Variants in VPS13B observed in about 807,000 individuals in gnomAD.
VPS13B encodes the protein intermembrane lipid transfer protein VPS13B.
Under a neutral mutation model 426.4 loss-of-function variants are expected in VPS13B, and 285 were observed. The ratio of observed to expected loss-of-function variants is 0.67; its 90% CI spans 0.61 to 0.74. The LOEUF (loss-of-function observed/expected upper bound fraction) is 0.74, where lower values mean the gene tolerates loss of function less well. Among genes scored for constraint, VPS13B ranks in the 30% least tolerant of loss-of-function variants. The pLI, the probability that VPS13B is intolerant of heterozygous loss-of-function variation, is 0.00. For missense variants in VPS13B, 4,537 were observed against 4,782.6 expected (o/e 0.95, Z 1.51); for synonymous variants, 1,676 against 1,676.4 (o/e 1.00, Z 0.01).
At chr8:99,157,842 A>T (rs923676810) in intron 15 of VPS13B, among the ~76,000 whole-genome samples, 1 of 152,234 alleles carries the variant, frequency 6.6e-6, no homozygotes, top group Non-Finnish European at 1.5e-5. Flanking sequence ...AGGAATGACA[A>T]GAAAGTGAAA....
At chr8:99,200,713 C>T (rs1814264368) in intron 17 of VPS13B, among the ~76,000 whole-genome samples, 1 of 152,004 alleles carries the variant, frequency 6.6e-6, no homozygotes, top group Non-Finnish European at 1.5e-5. Context: ...AGAAATTATT[C>T]AAATCCTTTG....
intron 8 of VPS13B, among the ~76,000 whole-genome samples, chr8:99,128,614 GTTTA>G (rs910731844): frequency 4.0e-5 from 6 of 151,584 alleles, no homozygotes; most frequent in African/African-American, 1.5e-4. Context: ...TTTTTTGTGG[GTTTA>G]TTATTTCATG....
chr8:99,421,102 C>T (rs1450808666), intron 21 of VPS13B, among the ~76,000 whole-genome samples: 2 of 152,016 alleles, frequency 1.3e-5, no homozygotes, highest in South Asian at 2.1e-4. Context: ...ATTCATTTTC[C>T]TTAATCATGT....
chr8:99,274,104 GT>G lies in VPS13B; in HGVS notation c.2516-92del, dbSNP rs1486310539. The G allele has an allele frequency of 2.0e-6, 3 of 1,514,074 alleles. No homozygotes were observed. The East Asian group carries it at 6.8e-5, about 34-fold the overall frequency. The allele number at this position is 1,514,074 out of a possible 1,614,324, so 93.8% of individuals were successfully genotyped here. A position where few individuals can be genotyped will look rare whatever the true frequency, so the allele number is the denominator to read the frequency against. On this transcript the variant is annotated intron_variant, in intron 17 of 61. Coordinates refer to ENST00000357162, the MANE Select transcript of VPS13B (RefSeq NM_152564.5). ...ACTGTAAGAACATCTGAGGTAGACA[GT>G]TAGAGTATAATTAAGTTTAAATGCC...
chr8:99,460,236 T>C (rs1818752633), intron 23 of VPS13B, among the ~76,000 whole-genome samples: 1 of 152,174 alleles, frequency 6.6e-6, no homozygotes, highest in Non-Finnish European at 1.5e-5. Flanking sequence ...TAATTTTCTC[T>C]ATTCATTTTT....
intron 2 of VPS13B, among the ~76,000 whole-genome samples, chr8:99,032,589 G>C (rs1344311860): frequency 6.7e-6 from 1 of 149,250 alleles, no homozygotes; most frequent in African/African-American, 2.5e-5. Flanking sequence ...GAGTGCAGTG[G>C]CGCGATCTCA....
At chr8:99,427,859 A>G (rs1816816405) in intron 21 of VPS13B, among the ~76,000 whole-genome samples, 2 of 152,298 alleles carry the variant, frequency 1.3e-5, no homozygotes, top group Admixed American at 1.3e-4. Flanking sequence ...ACAAAGCTGG[A>G]GGTATCAGGC....
chr8:99,267,856 G>A (rs1360216965), intron 17 of VPS13B, among the ~76,000 whole-genome samples: 1 of 152,192 alleles, frequency 6.6e-6, no homozygotes, highest in African/African-American at 2.4e-5. Context: ...TGTCTCCAGG[G>A]CATGTCAGAG....
rs192164359 is a variant in VPS13B at position 99,072,715 on chromosome 8, A to C, written c.292-23597A>C. ...TCTCCTGTTTTCTTTTAGTTTTAAT[A>C]GTTTTATAGTTTCAGGTCTTAAGGT... On this transcript the variant is annotated intron_variant, in intron 3 of 61. Coordinates refer to ENST00000357162, the MANE Select transcript of VPS13B (RefSeq NM_152564.5). Among the ~76,000 whole-genome samples the C allele has an allele frequency of 1.9e-4, 29 of 152,112 alleles. No individual in the cohort carries two copies. The East Asian group carries it at 4.7e-3, about 24-fold the overall frequency.
intron 24 of VPS13B, among the ~76,000 whole-genome samples, chr8:99,475,744 C>T (rs978080283): frequency 5.3e-5 from 8 of 152,108 alleles, no homozygotes; most frequent in African/African-American, 1.7e-4. Context: ...CTGTTCCTTC[C>T]CTGTTGTCCT....
At chr8:99,683,077 T>C (rs1334000581) in intron 35 of VPS13B, among the ~76,000 whole-genome samples, 1 of 152,188 alleles carries the variant, frequency 6.6e-6, no homozygotes, top group Non-Finnish European at 1.5e-5. Flanking sequence ...TTAAGGTACT[T>C]TTTTTTGTAT....
chr8:99,128,614 G>T (rs1809578413), intron 8 of VPS13B, among the ~76,000 whole-genome samples: 1 of 151,584 alleles, frequency 6.6e-6, no homozygotes, highest in Non-Finnish European at 1.5e-5. Context: ...TTTTTTGTGG[G>T]TTTATTATTT....
intron 17 of VPS13B, among the ~76,000 whole-genome samples, chr8:99,240,019 G>A (rs1169862555): frequency 6.6e-6 from 1 of 152,106 alleles, no homozygotes; most frequent in Admixed American, 6.5e-5. Context: ...TTCCAGATAA[G>A]AGGAAGTGTG....
chr8:99,845,524 C>G (rs1224702411), intron 54 of VPS13B, among the ~76,000 whole-genome samples: 1 of 152,182 alleles, frequency 6.6e-6, no homozygotes, highest in African/African-American at 2.4e-5. Context: ...GTCTCTCTCA[C>G]CATTCTGTCT....
intron 3 of VPS13B, among the ~76,000 whole-genome samples, chr8:99,067,470 A>C (rs902702726): frequency 1.3e-5 from 2 of 152,148 alleles, no homozygotes; most frequent in Non-Finnish European, 2.9e-5. Context: ...AGGGCGGGGA[A>C]CATCACACCC....
chr8:99,175,107 G>A (rs1243196356), intron 16 of VPS13B, among the ~76,000 whole-genome samples: 2 of 152,098 alleles, frequency 1.3e-5, no homozygotes, highest in Non-Finnish European at 2.9e-5. Context: ...AAAACCCATT[G>A]GATAAATTAA....
At chr8:99,157,801 A>G (rs765114504) in intron 15 of VPS13B, among the ~76,000 whole-genome samples, 2 of 152,236 alleles carry the variant, frequency 1.3e-5, no homozygotes, top group Non-Finnish European at 2.9e-5. Context: ...AAAAGTCTCC[A>G]GGAAATTAAA....
chr8:99,391,426 G>T, intron 20 of VPS13B, 131 bp from the exon 21 acceptor site: 1 of 1,405,106 alleles, frequency 7.1e-7, no homozygotes, highest in Admixed American at 2.0e-5. Flanking sequence ...GAGATTGATT[G>T]ATTTACAATA....
chr8:99,425,626 A>C (rs201044690), intron 21 of VPS13B, among the ~76,000 whole-genome samples: 2 of 152,164 alleles, frequency 1.3e-5, no homozygotes, highest in South Asian at 2.1e-4. Context: ...ATGGGCAAAA[A>C]CTGGAAGCAT....
Sources: allele counts gnomAD v4.1 joint callset (sites outside exome capture counted in the v4.1 genomes callset), GRCh38; gene constraint gnomAD v4.1.1; transcripts MANE v1.5; gene names NCBI Gene and HGNC (gene_info 2026-07-23, HGNC 2026-07-21).